Variants in DPP6 observed in about 807,000 individuals in gnomAD.
DPP6 encodes dipeptidyl peptidase like 6.
DPP6 carries 69 observed loss-of-function variants against 122.6 expected under a neutral mutation model. That is an observed-to-expected ratio of 0.56 (90% CI 0.46 to 0.69). The LOEUF is 0.69. DPP6 is among the 30% of genes least tolerant of loss of function. The pLI is 0.00. For missense variants in DPP6, 928 were observed against 1,116.9 expected (o/e 0.83, Z 2.41); for synonymous variants, 418 against 433.1 (o/e 0.97, Z 0.43).
At chr7:153,797,160 A>G in the DPP6 span, among the ~76,000 whole-genome samples, 1 of 152,188 alleles carries the variant, frequency 6.6e-6, no homozygotes, top group African/African-American at 2.4e-5. Flanking sequence ...TCTGGCTGAC[A>G]CTTTCATCAC....
At chr7:153,805,921 C>T in the DPP6 span, among the ~76,000 whole-genome samples, 6 of 151,814 alleles carry the variant, frequency 4.0e-5, no homozygotes, top group Non-Finnish European at 7.4e-5. Flanking sequence ...TTACTGGGTG[C>T]AGCACACCAA....
chr7:154,277,437 G>A (rs2150944209), intron 1 of DPP6, among the ~76,000 whole-genome samples: 1 of 152,316 alleles, frequency 6.6e-6, no homozygotes, highest in African/African-American at 2.4e-5. Flanking sequence ...AGCTTGGGAA[G>A]ATCTGCCTGT....
intron 1 of DPP6, among the ~76,000 whole-genome samples, chr7:154,299,685 C>T (rs1476246810): frequency 6.6e-6 from 1 of 152,212 alleles, no homozygotes; most frequent in East Asian, 1.9e-4. Flanking sequence ...CATCACAACT[C>T]ACAATTTAAA....
the DPP6 span, among the ~76,000 whole-genome samples, chr7:153,861,867 C>T: frequency 6.6e-6 from 1 of 152,282 alleles, no homozygotes; most frequent in South Asian, 2.1e-4. Flanking sequence ...ACCCAAACGG[C>T]AATTTAGTGG....
chr7:154,837,481 C>G (rs1391039820), intron 16 of DPP6, among the ~76,000 whole-genome samples: 1 of 152,242 alleles, frequency 6.6e-6, no homozygotes, highest in Non-Finnish European at 1.5e-5. Flanking sequence ...TTGGGATGGG[C>G]TGGAATTGAG....
At chr7:154,054,714 C>T (rs1192989522) in intron 1 of DPP6, among the ~76,000 whole-genome samples, 2 of 150,388 alleles carry the variant, frequency 1.3e-5, no homozygotes, top group South Asian at 4.3e-4. Context: ...ATTAAACTAC[C>T]GAGAATCTTG....
the DPP6 span, among the ~76,000 whole-genome samples, chr7:153,874,729 A>C: frequency 6.6e-6 from 1 of 152,240 alleles, no homozygotes; most frequent in Non-Finnish European, 1.5e-5. Context: ...AAATGGGCAT[A>C]TTAGAATGGA....
intron 7 of DPP6, among the ~76,000 whole-genome samples, chr7:154,704,131 C>T (rs942479753): frequency 3.3e-5 from 5 of 152,120 alleles, no homozygotes; most frequent in Non-Finnish European, 7.4e-5. Flanking sequence ...GAAGTTGATT[C>T]TAACCCTCAT....
the DPP6 span, among the ~76,000 whole-genome samples, chr7:153,780,585 G>T: frequency 1.1e-3 from 170 of 152,210 alleles, 1 homozygote; most frequent in African/African-American, 3.8e-3. Context: ...ACGTACTTGG[G>T]CAAAGCTCTA....
At chr7:154,871,281 C>A (rs1380904425) in intron 18 of DPP6, among the ~76,000 whole-genome samples, 1 of 152,184 alleles carries the variant, frequency 6.6e-6, no homozygotes, top group Non-Finnish European at 1.5e-5. Context: ...CCTTGCCACA[C>A]ACTCTGTCCA....
At chr7:154,060,794 A>AG (rs1451286551) in intron 1 of DPP6, among the ~76,000 whole-genome samples, 1 of 108,280 alleles carries the variant, frequency 9.2e-6, no homozygotes, top group Non-Finnish European at 1.8e-5. Flanking sequence ...CGCCCATCAC[A>AG]GGAGGGGGAC....
At chr7:154,628,753 G>A (rs777022102) in intron 5 of DPP6, among the ~76,000 whole-genome samples, 1 of 152,114 alleles carries the variant, frequency 6.6e-6, no homozygotes, top group East Asian at 1.9e-4. Context: ...TCCACAAAGC[G>A]AGTCCCCAGG....
At chr7:154,029,465 T>A (rs567504555) in intron 1 of DPP6, among the ~76,000 whole-genome samples, 2 of 151,264 alleles carry the variant, frequency 1.3e-5, no homozygotes, top group African/African-American at 2.4e-5. Flanking sequence ...TGCAGTGAGC[T>A]GAGATCGCAC....
chr7:154,166,063 A>G (rs1298817851), intron 1 of DPP6, among the ~76,000 whole-genome samples: 1 of 152,122 alleles, frequency 6.6e-6, no homozygotes, highest in Non-Finnish European at 1.5e-5. Flanking sequence ...CCCCAGAACA[A>G]TATATTCTTC....
chr7:153,980,459 A>G (rs1796526784), intron 1 of DPP6, among the ~76,000 whole-genome samples: 1 of 150,828 alleles, frequency 6.6e-6, no homozygotes, highest in Non-Finnish European at 1.5e-5. Context: ...TAGTCTGGTT[A>G]GTGGTCTATC....
At chr7:154,284,422 A>G (rs962814866) in intron 1 of DPP6, among the ~76,000 whole-genome samples, 8 of 152,248 alleles carry the variant, frequency 5.3e-5, no homozygotes, top group Admixed American at 5.2e-4. Context: ...ACAATAACCA[A>G]AAGGGGGAAA....
intron 1 of DPP6, among the ~76,000 whole-genome samples, chr7:153,919,479 T>C (rs1800532357): frequency 6.6e-6 from 1 of 152,168 alleles, no homozygotes; most frequent in African/African-American, 2.4e-5. Context: ...CACTAAACTC[T>C]ACCTCTGCCT....
intron 1 of DPP6, among the ~76,000 whole-genome samples, chr7:154,153,012 G>A (rs528576778): frequency 5.3e-5 from 8 of 152,210 alleles, no homozygotes; most frequent in African/African-American, 1.4e-4. Flanking sequence ...CATAAAACCC[G>A]ATGAAGTGGC....
At chr7:153,858,697 C>T in the DPP6 span, among the ~76,000 whole-genome samples, 1 of 152,192 alleles carries the variant, frequency 6.6e-6, no homozygotes, top group Admixed American at 6.5e-5. Context: ...CCACATGCTG[C>T]TTCACAGACC....
Sources: allele counts gnomAD v4.1 joint callset (sites outside exome capture counted in the v4.1 genomes callset), GRCh38; gene constraint gnomAD v4.1.1; transcripts MANE v1.5; gene names NCBI Gene and HGNC (gene_info 2026-07-23, HGNC 2026-07-21).